NKAIN2: variants seen among roughly 807,000 people sequenced by gnomAD.
NKAIN2 encodes the protein sodium/potassium-transporting ATPase subunit beta-1-interacting protein 2.
In NKAIN2, 14 loss-of-function variants were observed where a neutral mutation model predicts 32.6. The ratio of observed to expected loss-of-function variants is 0.43; its 90% confidence interval spans 0.28 to 0.67. The LOEUF (loss-of-function observed/expected upper bound fraction) is 0.67, where lower values mean the gene tolerates loss of function less well. Ranked by LOEUF, NKAIN2 falls within the 30% of genes least tolerant of loss-of-function variation. The pLI is 0.17. For synonymous variants in NKAIN2, 80 were observed against 87.2 expected (o/e 0.92, Z 0.46); for missense variants, 198 against 258.3 (o/e 0.77, Z 1.60).
intron 1 of NKAIN2, among the ~76,000 whole-genome samples, chr6:124,029,915 T>A (rs963819521): frequency 6.6e-6 from 1 of 152,020 alleles, no homozygotes; most frequent in African/African-American, 2.4e-5. Context: ...CTAGGTTGCG[T>A]GCTCCTTATA....
At chr6:124,009,788 C>G (rs1382516118) in intron 1 of NKAIN2, among the ~76,000 whole-genome samples, 2 of 152,076 alleles carry the variant, frequency 1.3e-5, no homozygotes, top group African/African-American at 4.8e-5. Context: ...AACAATGATT[C>G]CTAACGGTTT....
At chr6:124,781,613 A>G (rs188952888) in intron 4 of NKAIN2, among the ~76,000 whole-genome samples, 59 of 152,286 alleles carry the variant, frequency 3.9e-4, no homozygotes, top group African/African-American at 1.3e-3. Flanking sequence ...ATTGCTAGTA[A>G]TTAATGAAAT....
chr6:123,886,063 A>T (rs978106325), intron 1 of NKAIN2, among the ~76,000 whole-genome samples: 3 of 152,020 alleles, frequency 2.0e-5, no homozygotes, highest in African/African-American at 7.2e-5. Context: ...TTGTACTATA[A>T]GACAGGCAGA....
chr6:124,519,653 G>T (rs1779049362), intron 3 of NKAIN2, among the ~76,000 whole-genome samples: 1 of 152,242 alleles, frequency 6.6e-6, no homozygotes, highest in South Asian at 2.1e-4. Flanking sequence ...TTAAATTAAG[G>T]ATGGCTACAA....
In NKAIN2 at chr6:124,328,074, G is replaced by A. The variant is rs980145302; in HGVS notation, c.193-27193G>A. 2.6e-5 allele frequency among the ~76,000 whole-genome samples: 4 copies of A among 152,164 alleles called. No individual in the cohort carries two copies. In the East Asian group the frequency reaches 7.7e-4, roughly 29 times the overall value. On this transcript the variant is annotated intron_variant, in intron 2 of 6. Transcript: ENST00000368417. ...AGTGTACACAGGGAATTAAAGAACA[G>A]GAAAGGAACAAAACAATCTAAATGG...
At chr6:124,426,030 A>T (rs879702892) in intron 3 of NKAIN2, among the ~76,000 whole-genome samples, 10 of 151,996 alleles carry the variant, frequency 6.6e-5, no homozygotes, top group Non-Finnish European at 1.2e-4. Context: ...TGTAACCTAG[A>T]CTCTTTGTAG....
At chr6:123,813,532 C>T (rs1159703426) in intron 1 of NKAIN2, among the ~76,000 whole-genome samples, 3 of 152,064 alleles carry the variant, frequency 2.0e-5, no homozygotes, top group Non-Finnish European at 4.4e-5. Flanking sequence ...GTAGATTTGG[C>T]CAGGTGTGAT....
intron 3 of NKAIN2, among the ~76,000 whole-genome samples, chr6:124,405,967 G>A (rs958677159): frequency 6.7e-6 from 1 of 150,188 alleles, no homozygotes; most frequent in African/African-American, 2.5e-5. Flanking sequence ...CTAGCTTGAT[G>A]CAGTGTAAAC....
At chr6:124,399,705 G>A (rs1420246691) in intron 3 of NKAIN2, among the ~76,000 whole-genome samples, 2 of 152,212 alleles carry the variant, frequency 1.3e-5, no homozygotes, top group Non-Finnish European at 2.9e-5. Flanking sequence ...CCTTAGCGAA[G>A]CAGAGGATAG....
At chr6:124,644,408 C>CT (rs34696279) in intron 3 of NKAIN2, among the ~76,000 whole-genome samples, 1,575 of 139,834 alleles carry the variant, frequency 0.011, 15 homozygotes, top group Non-Finnish European at 0.017. Context: ...CTTTTCTTTT[C>CT]TTTTTTTTTT....
chr6:124,183,782 T>TA (rs1162731271), intron 1 of NKAIN2, among the ~76,000 whole-genome samples: 3 of 152,192 alleles, frequency 2.0e-5, no homozygotes, highest in Admixed American at 6.5e-5. Context: ...GTAGATTTTT[T>TA]ATGTGCTGAT....
At chr6:123,861,605 G>A (rs1345519683) in intron 1 of NKAIN2, among the ~76,000 whole-genome samples, 1 of 152,120 alleles carries the variant, frequency 6.6e-6, no homozygotes, top group Non-Finnish European at 1.5e-5. Context: ...TAAAATAAGT[G>A]TTCGTCTCTC....
chr6:124,025,653 A>G (rs1485025269), intron 1 of NKAIN2, among the ~76,000 whole-genome samples: 1 of 152,228 alleles, frequency 6.6e-6, no homozygotes, highest in Admixed American at 6.5e-5. Context: ...AGTGTATTGT[A>G]TACTTGAAAT....
At chr6:124,117,886 T>G (rs532937617) in intron 1 of NKAIN2, among the ~76,000 whole-genome samples, 1 of 147,712 alleles carries the variant, frequency 6.8e-6, no homozygotes, top group East Asian at 1.9e-4. Flanking sequence ...GTGCAGACAT[T>G]AAAACAGTTA....
chr6:124,159,827 G>A (rs1788183573), intron 1 of NKAIN2, among the ~76,000 whole-genome samples: 1 of 152,078 alleles, frequency 6.6e-6, no homozygotes, highest in Non-Finnish European at 1.5e-5. Flanking sequence ...TGTGCATATG[G>A]AAGAAAAATA....
intron 2 of NKAIN2, among the ~76,000 whole-genome samples, chr6:124,286,669 TGTGTGC>T (rs779810412): frequency 1.4e-3 from 171 of 120,786 alleles, no homozygotes; most frequent in Non-Finnish European, 1.7e-3. Context: ...TGTGTGTGTG[TGTGTGC>T]GCGCGCGTGT....
intron 4 of NKAIN2, among the ~76,000 whole-genome samples, chr6:124,757,995 G>A (rs1285007093): frequency 6.6e-6 from 1 of 152,156 alleles, no homozygotes; most frequent in Admixed American, 6.6e-5. Flanking sequence ...GAACAAAGTT[G>A]TGAATACTTA....
At chr6:124,357,764 G>A (rs949530485) in intron 3 of NKAIN2, among the ~76,000 whole-genome samples, 37 of 152,092 alleles carry the variant, frequency 2.4e-4, no homozygotes, top group African/African-American at 8.7e-4. Context: ...CCTGATTAGA[G>A]TTTAGAACTT....
At chr6:124,115,604 A>G (rs1044383871) in intron 1 of NKAIN2, among the ~76,000 whole-genome samples, 6 of 152,158 alleles carry the variant, frequency 3.9e-5, no homozygotes, top group African/African-American at 1.2e-4. Context: ...AAGAATTTTT[A>G]TATTTTAGTG....
Sources: allele counts gnomAD v4.1 joint callset (sites outside exome capture counted in the v4.1 genomes callset), GRCh38; gene constraint gnomAD v4.1.1; transcripts MANE v1.5; gene names NCBI Gene and HGNC (gene_info 2026-07-23, HGNC 2026-07-21).